NRN1: variants seen among roughly 807,000 people sequenced by gnomAD.
NRN1 encodes neuritin.
In NRN1, 4 loss-of-function variants were observed where a neutral mutation model predicts 15.0. The observed-to-expected ratio is 0.27, with a 90% CI of 0.13 to 0.61. NRN1 has a LOEUF of 0.61. NRN1 is among the 20% of genes least tolerant of loss of function. The probability of loss-of-function intolerance (pLI) is 0.87; values close to 1 mark genes in which losing one functional copy is unlikely to be tolerated. For missense variants in NRN1, 134 were observed against 181.9 expected (o/e 0.74, Z 1.51); for synonymous variants, 85 against 79.8 (o/e 1.07, Z -0.35).
Position 5,998,705 on chromosome 6 carries a change from G to A in NRN1, c.*271C>T. ...TAAAATTAAAAAATGGGGTGGGTTT[G>A]CCGTTTTCTTATTTGTGTGTGAAGA... On this transcript the variant is annotated 3_prime_UTR_variant, in exon 3 of 3. Coordinates refer to ENST00000244766, the MANE Select transcript of NRN1 (RefSeq NM_016588.3). The A allele has an allele frequency of 2.9e-6, 1 of 341,030 alleles. No individual in the cohort carries two copies. 21.1% of individuals were successfully genotyped at this position (341,030 alleles called of 1,614,324 possible). A position where few individuals can be genotyped will look rare whatever the true frequency, so the allele number is the denominator to read the frequency against.
At position 6,004,384 on chromosome 6, in the gene NRN1, T is replaced by G. The variant is rs568535707; in HGVS notation, c.56-1887A>C. 2.8e-5 allele frequency among the ~76,000 whole-genome samples: 4 copies of G among 143,314 alleles called. No individual in the cohort carries two copies. The South Asian group carries it at 1.0e-3, about 36-fold the overall frequency. 94.0% of individuals were successfully genotyped at this position (143,314 alleles called of 152,430 possible). ...ACAGCTTTGCAGAGAAGAAACGAAATAAAATAAAGTCCAATCTCCCCGTCC... is the reference window on the plus strand; with the variant it reads ...ACAGCTTTGCAGAGAAGAAACGAAAGAAAATAAAGTCCAATCTCCCCGTCC... On this transcript the variant is annotated intron_variant, in intron 1 of 2. Coordinates refer to ENST00000244766, the MANE Select transcript of NRN1 (RefSeq NM_016588.3).
At position 6,006,898 on chromosome 6, in the gene NRN1, A is replaced by G. The variant is rs920498800; in HGVS notation, c.-149T>C. On this transcript the variant is annotated 5_prime_UTR_variant, in exon 1 of 3. Transcript: ENST00000244766. ...GGGAAGGCAGAGGGAGGAGAGAAAG[A>G]GAGGGAGCGAGGAAGAGACAGAAAG... The G allele has an allele frequency of 1.4e-5, 7 of 508,874 alleles. No individual in the cohort carries two copies. The highest frequency in any genetic ancestry group is 2.6e-5 in the Non-Finnish European group (7 of 268,196). The allele number at this position is 508,874 out of a possible 1,614,324, so 31.5% of individuals were successfully genotyped here.
At position 6,003,811 on chromosome 6, in the gene NRN1, G is replaced by T. The variant is rs995624180; in HGVS notation, c.56-1314C>A. The T allele has an allele frequency of 1.6e-5, 20 of 1,233,704 alleles. No homozygotes were observed. In the Admixed American group the frequency reaches 5.9e-4, roughly 36 times the overall value. 76.4% of individuals were successfully genotyped at this position (1,233,704 alleles called of 1,614,324 possible). A position where few individuals can be genotyped will look rare whatever the true frequency, so the allele number is the denominator to read the frequency against. On this transcript the variant is annotated intron_variant, in intron 1 of 2. Coordinates refer to ENST00000244766, the MANE Select transcript of NRN1 (RefSeq NM_016588.3). ...AAAGCAGCCCGGGCGCCGGGAGGGCGCCAGAGAAGCACAGCGTTAGGGCGG... is the reference window on the plus strand; with the variant it reads ...AAAGCAGCCCGGGCGCCGGGAGGGCTCCAGAGAAGCACAGCGTTAGGGCGG...
At chr6:6,002,869 C>T (rs1370184966) in intron 1 of NRN1, 3 of 382,756 alleles carry the variant, frequency 7.8e-6, no homozygotes, top group Non-Finnish European at 1.4e-5. Context: ...CTCCCTCCTT[C>T]GTCTCCCAAC....
chr6:6,000,434 G>T (rs1011761154), intron 2 of NRN1, among the ~76,000 whole-genome samples: 5 of 152,138 alleles, frequency 3.3e-5, no homozygotes, highest in African/African-American at 1.2e-4. Context: ...CTGTAACTCC[G>T]GGCTGGTCCC....
chr6:6,004,096 G>T (rs559355307), intron 1 of NRN1: 1 of 1,036,736 alleles, frequency 9.6e-7, no homozygotes, highest in Non-Finnish European at 1.2e-6. Flanking sequence ...AGAGCGAGGC[G>T]GGCCTTGCGC....
chr6:6,004,384 TA>T (rs1156233821), intron 1 of NRN1, among the ~76,000 whole-genome samples: 1 of 143,210 alleles, frequency 7.0e-6, no homozygotes, highest in African/African-American at 2.6e-5. Flanking sequence ...AGAAACGAAA[TA>T]AAATAAAGTC....
chr6:5,998,750 G>T lies in NRN1; in HGVS notation c.*226C>A, dbSNP rs1425550208. The stretch of plus-strand genomic sequence containing the variant: ...TGAAGACGGACTAAAGCTGAGGTCC[G>T]ATTTTGGCTGTGCTTGCTTGCTCAC... On this transcript the variant is annotated 3_prime_UTR_variant, in exon 3 of 3. Coordinates refer to ENST00000244766, the MANE Select transcript of NRN1 (RefSeq NM_016588.3). 1.5e-5 allele frequency: 8 copies of T among 524,748 alleles called. No individual in the cohort carries two copies. The highest frequency in any genetic ancestry group is 2.7e-5 in the Non-Finnish European group (8 of 295,260). 32.5% of individuals were successfully genotyped at this position (524,748 alleles called of 1,614,324 possible).
At chr6:6,005,592 C>T (rs953336440) in intron 1 of NRN1, among the ~76,000 whole-genome samples, 1 of 152,152 alleles carries the variant, frequency 6.6e-6, no homozygotes, top group Non-Finnish European at 1.5e-5. Context: ...TTTCTTGCCC[C>T]AAACCAATTA....
intron 1 of NRN1, among the ~76,000 whole-genome samples, chr6:6,004,853 C>G (rs1290242266): frequency 1.3e-5 from 2 of 152,092 alleles, no homozygotes; most frequent in African/African-American, 4.8e-5. Context: ...CGTTCGACCT[C>G]TCATTCATTC....
At chr6:6,005,268 G>A (rs529042045) in intron 1 of NRN1, among the ~76,000 whole-genome samples, 3 of 152,210 alleles carry the variant, frequency 2.0e-5, no homozygotes, top group Admixed American at 2.0e-4. Flanking sequence ...ATTGCAAAAT[G>A]CCACATTCAC....
rs765285228 is a variant in NRN1 at position 6,002,488 on chromosome 6, A to G, written c.65T>C (p.Val22Ala). ...LILAVQIAYL[V>A]QAVRAAGKCD... ...CTTGCCCGCTGCTCTCACGGCCTGCACCAGATACGCTGCGGGGAGGAGGGA... is the reference window on the plus strand; with the variant it reads ...CTTGCCCGCTGCTCTCACGGCCTGCGCCAGATACGCTGCGGGGAGGAGGGA... Residue 22 changes from valine (V) to alanine (A), a missense_variant, in exon 2 of 3, where the codon GTG (valine) becomes GCG (alanine). Coordinates refer to ENST00000244766, the MANE Select transcript of NRN1 (RefSeq NM_016588.3). The G allele has an allele frequency of 4.3e-6, 7 of 1,613,610 alleles. No individual in the cohort carries two copies. Among genetic ancestry groups the G allele is most frequent in the Non-Finnish European group, 5.9e-6 (7 of 1,179,836 alleles).
At chr6:6,001,413 G>C (rs762063966) in intron 2 of NRN1, among the ~76,000 whole-genome samples, 3 of 152,150 alleles carry the variant, frequency 2.0e-5, no homozygotes, top group Non-Finnish European at 4.4e-5. Context: ...AGAGGACAGG[G>C]GTGTTTTCTA....
intron 1 of NRN1, 30 bp downstream of exon 1, chr6:6,006,658 CGCCTCCA>C: frequency 1.2e-6 from 2 of 1,606,006 alleles, no homozygotes; most frequent in South Asian, 1.1e-5. Context: ...GGCTGCCTCC[CGCCTCCA>C]GCCTCCAGCC....
At chr6:6,000,754 C>CTTTTT (rs1561902807) in intron 2 of NRN1, among the ~76,000 whole-genome samples, 28 of 83,740 alleles carry the variant, frequency 3.3e-4, no homozygotes, top group South Asian at 1.7e-3. Flanking sequence ...TTTTTATGTA[C>CTTTTT]GCCCAGATGA....
Position 5,998,661 on chromosome 6 carries a change from C to CAA in NRN1, c.*313_*314dup, listed in dbSNP as rs199548533. ...GCCGTTCCTGAGATTCTTTTGCCAA[C>CAA]AAAAAAAATTAATAATAATAAAATT... is the stretch of plus-strand genomic sequence containing the variant. On this transcript the variant is annotated 3_prime_UTR_variant, in exon 3 of 3. Transcript: ENST00000244766. 1 of 206,790 alleles carries CAA rather than the reference C, an allele frequency of 4.8e-6. No individual in the cohort carries two copies. Among genetic ancestry groups the CAA allele is most frequent in the Admixed American group, 5.3e-5 (1 of 18,712 alleles). 12.8% of individuals were successfully genotyped at this position (206,790 alleles called of 1,614,324 possible). A position where few individuals can be genotyped will look rare whatever the true frequency, so the allele number is the denominator to read the frequency against.
chr6:6,003,921 C>A, intron 1 of NRN1: 1 of 1,228,700 alleles, frequency 8.1e-7, no homozygotes, highest in East Asian at 3.2e-5. Flanking sequence ...AGCTTTCTGG[C>A]GGCTGCGCTT....
chr6:6,006,560 G>T, intron 1 of NRN1, 135 bp downstream of exon 1: 1 of 752,368 alleles, frequency 1.3e-6, no homozygotes, highest in Non-Finnish European at 2.3e-6. Context: ...AGGAACTGAT[G>T]CCCCCACCCT....
At chr6:6,003,380 C>A (rs1209199288) in intron 1 of NRN1, 1 of 582,918 alleles carries the variant, frequency 1.7e-6, no homozygotes, top group Non-Finnish European at 2.5e-6. Context: ...TCTCCTCCTC[C>A]CCTGTCCGCC....
Sources: gnomAD v4.1 joint callset for allele counts (sites outside exome capture counted in the v4.1 genomes callset) on GRCh38, gnomAD v4.1.1 for gene constraint, MANE v1.5 for transcripts, NCBI Gene and HGNC (gene_info 2026-07-23, HGNC 2026-07-21) for gene names.